KLF8: variants seen among roughly 807,000 people sequenced by gnomAD.
KLF8 encodes the protein Krueppel-like factor 8.
A neutral mutation model predicts 18.2 loss-of-function variants in KLF8; 10 were observed. The ratio of observed to expected loss-of-function variants is 0.55; its 90% CI spans 0.34 to 0.93. The LOEUF (loss-of-function observed/expected upper bound fraction) is 0.93. KLF8 is among the 40% of genes least tolerant of loss of function. The pLI is 0.02. For missense variants in KLF8, 264 were observed against 277.9 expected (o/e 0.95, Z 0.36); for synonymous variants, 109 against 97.3 (o/e 1.12, Z -0.71).
At chrX:56,087,859 C>T in the KLF8 span, among the ~76,000 whole-genome samples, 3 of 110,392 alleles carry the variant, frequency 2.7e-5, no homozygotes, top group South Asian at 3.7e-4. Context: ...ATAATCTGCA[C>T]GCTGTTATTG....
the KLF8 span, among the ~76,000 whole-genome samples, chrX:55,911,948 A>G: frequency 3.6e-5 from 4 of 112,129 alleles, no homozygotes; most frequent in African/African-American, 1.3e-4. Flanking sequence ...AAAAATACTG[A>G]TAACTTTGTC....
At chrX:56,013,704 C>T in the KLF8 span, among the ~76,000 whole-genome samples, 2 of 111,348 alleles carry the variant, frequency 1.8e-5, no homozygotes, top group Non-Finnish European at 3.8e-5. Context: ...TTCCCCCTCA[C>T]TAGGCAGTCG....
the KLF8 span, among the ~76,000 whole-genome samples, chrX:56,041,717 G>A: frequency 9.6e-6 from 1 of 104,471 alleles, no homozygotes; most frequent in Non-Finnish European, 1.9e-5. Flanking sequence ...TTGAGATCGA[G>A]TCTCACTCTG....
chrX:56,092,584 A>G, the KLF8 span, among the ~76,000 whole-genome samples: 1 of 111,171 alleles, frequency 9.0e-6, no homozygotes, highest in Admixed American at 9.6e-5. Flanking sequence ...TCCTTGCTGG[A>G]GATCATTTTA....
the KLF8 span, among the ~76,000 whole-genome samples, chrX:55,995,496 G>A: frequency 8.9e-6 from 1 of 112,223 alleles, no homozygotes; most frequent in Non-Finnish European, 1.9e-5. Flanking sequence ...GTACTTACAT[G>A]TGTTTTTGTG....
At chrX:56,014,638 T>C in the KLF8 span, among the ~76,000 whole-genome samples, 32 of 110,858 alleles carry the variant, frequency 2.9e-4, no homozygotes, top group Admixed American at 2.5e-3. Context: ...TATATACCCA[T>C]AGGAATATAA....
chrX:55,946,283 C>T, the KLF8 span, among the ~76,000 whole-genome samples: 1 of 111,644 alleles, frequency 9.0e-6, no homozygotes, highest in Non-Finnish European at 1.9e-5. Context: ...GGTACCAAAA[C>T]AGAGATGTAG....
the KLF8 span, among the ~76,000 whole-genome samples, chrX:56,013,967 T>A: frequency 1.8e-5 from 2 of 111,871 alleles, no homozygotes; most frequent in Admixed American, 9.5e-5. Flanking sequence ...TTTCTTACAC[T>A]TTATATAATA....
the KLF8 span, among the ~76,000 whole-genome samples, chrX:56,149,616 T>C: frequency 9.0e-6 from 1 of 111,237 alleles, no homozygotes; most frequent in Non-Finnish European, 1.9e-5. Context: ...AAAAAAGAAA[T>C]GCAAAAAAGC....
chrX:56,086,659 G>A, the KLF8 span, among the ~76,000 whole-genome samples: 2 of 110,299 alleles, frequency 1.8e-5, no homozygotes, highest in African/African-American at 6.6e-5. Context: ...AAATATATAG[G>A]CTTCTTGTGA....
the KLF8 span, among the ~76,000 whole-genome samples, chrX:56,094,268 A>G: frequency 9.0e-6 from 1 of 111,114 alleles, no homozygotes; most frequent in African/African-American, 3.2e-5. Flanking sequence ...AGGGGTGGGA[A>G]AAGATATTTC....
At chrX:56,172,315 T>C in the KLF8 span, among the ~76,000 whole-genome samples, 5 of 110,684 alleles carry the variant, frequency 4.5e-5, no homozygotes, top group African/African-American at 1.6e-4. Context: ...GTCCATGTGT[T>C]CTTATTGTTC....
the KLF8 span, among the ~76,000 whole-genome samples, chrX:56,137,973 T>TA: frequency 4.2e-4 from 25 of 59,157 alleles, no homozygotes; most frequent in Admixed American, 4.6e-3. Context: ...CTAATCAAGA[T>TA]AAAAAAGAGA....
At chrX:56,070,219 A>C in the KLF8 span, among the ~76,000 whole-genome samples, 2 of 110,674 alleles carry the variant, frequency 1.8e-5, no homozygotes, top group Non-Finnish European at 3.8e-5. Flanking sequence ...GGACACAGGG[A>C]GGCAAACATT....
chrX:56,131,562 A>G, the KLF8 span, among the ~76,000 whole-genome samples: 2 of 111,264 alleles, frequency 1.8e-5, no homozygotes, highest in African/African-American at 6.5e-5. Flanking sequence ...TTGTAGGACC[A>G]TAAACAAAAT....
the KLF8 span, among the ~76,000 whole-genome samples, chrX:56,061,986 C>CTTTTTTTT: frequency 8.2e-4 from 47 of 57,105 alleles, 6 homozygotes; most frequent in African/African-American, 4.9e-3. Context: ...GCAACCCCTG[C>CTTTTTTTT]TTTTTTTTTT....
the KLF8 span, among the ~76,000 whole-genome samples, chrX:56,012,661 A>G: frequency 9.0e-6 from 1 of 111,197 alleles, no homozygotes; most frequent in South Asian, 3.8e-4. Context: ...AACTGTCTCT[A>G]TTTGCAGGTG....
chrX:55,969,532 T>A, the KLF8 span, among the ~76,000 whole-genome samples: 1 of 111,223 alleles, frequency 9.0e-6, no homozygotes, highest in African/African-American at 3.3e-5. Flanking sequence ...TAATGATGCA[T>A]CTTGAAGAAC....
At chrX:56,077,367 C>A in the KLF8 span, among the ~76,000 whole-genome samples, 2 of 112,025 alleles carry the variant, frequency 1.8e-5, no homozygotes, top group East Asian at 5.6e-4. Context: ...TATGGCTAGC[C>A]GGTTTTCCCA....
Sources: allele counts gnomAD v4.1 joint callset (sites outside exome capture counted in the v4.1 genomes callset), GRCh38; gene constraint gnomAD v4.1.1; transcripts MANE v1.5; gene names NCBI Gene and HGNC (gene_info 2026-07-23, HGNC 2026-07-21).